FAM149A: variants seen among roughly 807,000 people sequenced by gnomAD.
FAM149A encodes family with sequence similarity 149 member A.
FAM149A carries 71 observed loss-of-function variants against 78.2 expected under a neutral mutation model. The observed-to-expected ratio is 0.91, with a 90% CI of 0.75 to 1.11. FAM149A has a LOEUF of 1.11. FAM149A is among the 50% of genes least tolerant of loss of function. The probability of loss-of-function intolerance (pLI) is 0.00; values close to 1 mark genes in which losing one functional copy is unlikely to be tolerated. For synonymous variants in FAM149A, 446 were observed against 410.5 expected (o/e 1.09, Z -1.04); for missense variants, 1,036 against 971.0 (o/e 1.07, Z -0.89).
chr4:186,109,590 G>C (rs758053490), intron 1 of FAM149A: 2 of 985,036 alleles, frequency 2.0e-6, no homozygotes, highest in Admixed American at 6.2e-5. Flanking sequence ...TGATAATATG[G>C]AGGTGATAAT....
intron 1 of FAM149A, chr4:186,117,542 C>A (rs2099314257): frequency 1.0e-6 from 1 of 985,284 alleles, no homozygotes; most frequent in Admixed American, 6.1e-5. Context: ...CACATGGACA[C>A]CTGGGGCTTG....
At position 186,109,127 on chromosome 4, in the gene FAM149A, T is replaced by G. The variant is rs534049426; in HGVS notation, c.566+3485T>G. The G allele has an allele frequency of 4.5e-3, 4,393 of 981,972 alleles. 11 individuals are homozygous for G. Among genetic ancestry groups the G allele is most frequent in the Middle Eastern group, 0.012 (23 of 1,908 alleles). 60.8% of individuals were successfully genotyped at this position (981,972 alleles called of 1,614,324 possible). ...CTCCCGAAGTGCTGGGATTACAGGC[T>G]TGAGCCACCGCGCCCGGCCGGTCTT... On this transcript the variant is annotated intron_variant, in intron 1 of 13. Transcript: ENST00000389354.
At chr4:186,125,617 C>T in intron 1 of FAM149A, 1 of 771,000 alleles carries the variant, frequency 1.3e-6, no homozygotes, top group Non-Finnish European at 1.6e-6. Flanking sequence ...ACAGCACAGG[C>T]TTGTTGTCAG....
intron 1 of FAM149A, among the ~76,000 whole-genome samples, chr4:186,131,013 G>A (rs1248069015): frequency 1.3e-5 from 2 of 152,072 alleles, no homozygotes; most frequent in East Asian, 3.9e-4. Context: ...TTTAGATTAG[G>A]TCTTGAGGAA....
chr4:186,117,873 C>T, intron 1 of FAM149A: 1 of 976,762 alleles, frequency 1.0e-6, no homozygotes, highest in Non-Finnish European at 1.2e-6. Context: ...GACAAATCTC[C>T]CAAGACCGGC....
chr4:186,159,369 G>C (rs533955754), intron 8 of FAM149A, among the ~76,000 whole-genome samples: 2 of 152,236 alleles, frequency 1.3e-5, no homozygotes, highest in African/African-American at 4.8e-5. Flanking sequence ...AATGAGCAAG[G>C]CTCTTGTGGG....
At chr4:186,156,604 G>T (rs1016216729) in intron 7 of FAM149A, among the ~76,000 whole-genome samples, 1 of 151,736 alleles carries the variant, frequency 6.6e-6, no homozygotes, top group African/African-American at 2.4e-5. Flanking sequence ...AACCCAGGAG[G>T]TGGAGATTGA....
intron 1 of FAM149A, chr4:186,124,383 G>A: frequency 3.3e-6 from 1 of 302,718 alleles, no homozygotes; most frequent in Non-Finnish European, 4.8e-6. Flanking sequence ...ATTTACATTA[G>A]GTATATCTCC....
At chr4:186,160,456 C>T (rs771385504) in intron 8 of FAM149A, among the ~76,000 whole-genome samples, 4 of 149,036 alleles carry the variant, frequency 2.7e-5, no homozygotes, top group Non-Finnish European at 6.0e-5. Flanking sequence ...CACACAAACA[C>T]ACCACACACC....
chr4:186,147,727 T>C (rs1464203288), intron 1 of FAM149A, among the ~76,000 whole-genome samples: 1 of 152,250 alleles, frequency 6.6e-6, no homozygotes, highest in Non-Finnish European at 1.5e-5. Flanking sequence ...GTCATTAGTA[T>C]TTGTATGTTT....
chr4:186,148,613 C>T (rs1733233788), intron 1 of FAM149A, among the ~76,000 whole-genome samples: 1 of 152,142 alleles, frequency 6.6e-6, no homozygotes, highest in African/African-American at 2.4e-5. Flanking sequence ...TGTTTTAGTT[C>T]TTCATTAAAT....
At chr4:186,130,468 C>T (rs28487872) in intron 1 of FAM149A, among the ~76,000 whole-genome samples, 36,572 of 150,352 alleles carry the variant, frequency 0.24, 4,888 homozygotes, top group East Asian at 0.52. Context: ...TCTACCTGCT[C>T]GGGGTCAGGT....
chr4:186,148,450 C>T lies in FAM149A; in HGVS notation c.567-723C>T, dbSNP rs922225428. Among the ~76,000 whole-genome samples, 80 of 152,014 alleles carry T rather than the reference C, an allele frequency of 5.3e-4. 1 individual carries two copies. Among genetic ancestry groups the T allele is most frequent in the African/African-American group, 1.9e-3 (78 of 41,382 alleles). On this transcript the variant is annotated intron_variant, in intron 1 of 13. Coordinates refer to ENST00000389354, the MANE Select transcript of FAM149A (RefSeq NM_001367768.3). ...GGAAAATAAGATTTCTATTGAAGAA[C>T]AGAAGTTGTTGATTATTAAACATCA... is the stretch of plus-strand genomic sequence containing the variant.
chr4:186,140,255 CTAA>C (rs2099325241), intron 1 of FAM149A, among the ~76,000 whole-genome samples: 1 of 152,070 alleles, frequency 6.6e-6, no homozygotes, highest in African/African-American at 2.4e-5. Context: ...TCTTATATTA[CTAA>C]TTAATTTTCA....
At chr4:186,167,854 A>G (rs1311532771) in intron 13 of FAM149A, among the ~76,000 whole-genome samples, 1 of 152,100 alleles carries the variant, frequency 6.6e-6, no homozygotes, top group Non-Finnish European at 1.5e-5. Flanking sequence ...TCGCTCTGCC[A>G]CCGGCTGTGC....
At chr4:186,159,821 G>C (rs1398998682) in intron 8 of FAM149A, among the ~76,000 whole-genome samples, 1 of 145,774 alleles carries the variant, frequency 6.9e-6, no homozygotes, top group Admixed American at 7.1e-5. Flanking sequence ...CCCACCTTGT[G>C]GGGGGAGCAG....
intron 8 of FAM149A, 106 bp downstream of exon 8, chr4:186,157,825 C>G (rs1450087507): frequency 1.3e-6 from 2 of 1,551,340 alleles, no homozygotes; most frequent in Non-Finnish European, 1.7e-6. Flanking sequence ...GGGCTGCTTT[C>G]CACGCTGCCC....
chr4:186,152,981 A>G (rs1253352148), intron 4 of FAM149A, among the ~76,000 whole-genome samples: 2 of 151,768 alleles, frequency 1.3e-5, no homozygotes, highest in African/African-American at 4.8e-5. Context: ...TCCTGGTTAC[A>G]TTCACTAGGT....
rs1192652735 is a variant in FAM149A at position 186,160,352 on chromosome 4, C to T, written c.1576-2493C>T. Among the ~76,000 whole-genome samples the T allele has an allele frequency of 1.2e-4, 17 of 145,642 alleles. 1 individual carries two copies. The highest frequency in any genetic ancestry group is 4.1e-4 in the African/African-American group (16 of 38,994). The stretch of plus-strand genomic sequence containing the variant: ...ACACACCACACACAAACACACCACA[C>T]ACACAGAAAATACATACCACATACA... On this transcript the variant is annotated intron_variant, in intron 8 of 13. Transcript: ENST00000389354.
Sources: gnomAD v4.1 joint callset for allele counts (sites outside exome capture counted in the v4.1 genomes callset) on GRCh38, gnomAD v4.1.1 for gene constraint, MANE v1.5 for transcripts, NCBI Gene and HGNC (gene_info 2026-07-23, HGNC 2026-07-21) for gene names.